OR51Q1: variants seen among roughly 807,000 people sequenced by gnomAD.
OR51Q1 encodes the protein olfactory receptor 51Q1.
For synonymous variants in OR51Q1, 187 were observed against 151.7 expected (o/e 1.23, Z -1.71); for missense variants, 501 against 397.1 (o/e 1.26, Z -2.22).
chr11:5,422,731 T>G lies in OR51Q1; in HGVS notation c.531T>G (p.Ser177=). Residue 177 remains serine, a synonymous_variant, in exon 1 of 1, where the codon TCT becomes TCG. Coordinates refer to ENST00000300778, the MANE Select transcript of OR51Q1 (RefSeq NM_001004757.2). The part of the protein sequence containing the change: ...RLPFCHSHLL[S]RSYCLHQDMI... ...CTTTCTGCCACTCCCACCTTCTCTC[T>G]CGCTCCTATTGCCTCCACCAGGATA... 6.2e-7 allele frequency: 1 copy of G among 1,614,046 alleles called. No homozygotes were observed. The highest frequency in any genetic ancestry group is 8.5e-7 in the Non-Finnish European group (1 of 1,179,968).
chr11:5,422,511 T>TC lies in OR51Q1; in HGVS notation c.312dup (p.Phe105LeufsTer19), dbSNP rs1347578682. On this transcript the variant is annotated frameshift_variant, in exon 1 of 1. Transcript: ENST00000300778. LOFTEE classifies it low-confidence loss of function (END_TRUNC). The stretch of plus-strand genomic sequence containing the variant: ...TCTGAGGCCTGTTTTGCTCAGTTTT[T>TC]CTTCCTTCATGGATTCTCCTTTATG... The TC allele has an allele frequency of 6.2e-7, 1 of 1,614,086 alleles. No homozygotes were observed. Among genetic ancestry groups the TC allele is most frequent in the African/African-American group, 1.3e-5 (1 of 74,926 alleles).
In OR51Q1 at chr11:5,423,173, T is replaced by C. The variant is rs772754463; in HGVS notation, c.*19T>C. 2.9e-5 allele frequency: 46 copies of C among 1,562,636 alleles called. No homozygotes were observed. The highest frequency in any genetic ancestry group is 4.0e-5 in the Non-Finnish European group (46 of 1,149,694). On this transcript the variant is annotated 3_prime_UTR_variant, in exon 1 of 1. Transcript: ENST00000300778. Reference sequence around the variant, plus strand: ...AAGATGAGGGAATGCATTTCTTAAATTACTGACAAGTATGAGTCATAGGCT... The same window carrying C: ...AAGATGAGGGAATGCATTTCTTAAACTACTGACAAGTATGAGTCATAGGCT...
Position 5,423,150 on chromosome 11 carries a change from G to A in OR51Q1, c.950G>A (p.Arg317Lys). 6.3e-7 allele frequency: 1 copy of A among 1,585,424 alleles called. No individual in the cohort carries two copies. Among genetic ancestry groups the A allele is most frequent in the Non-Finnish European group, 8.6e-7 (1 of 1,160,050 alleles). ...NFLSLKNMHSR is the reference protein window; with the variant it reads ...NFLSLKNMHSK ...CTTTCCCTCAAAAATATGCATTCAA[G>A]ATGAGGGAATGCATTTCTTAAATTA... The change falls in exon 1 of 1, where the codon AGA becomes AAA. Residue 317 changes from arginine to lysine, a missense_variant. Coordinates refer to ENST00000300778, the MANE Select transcript of OR51Q1 (RefSeq NM_001004757.2).
At position 5,422,217 on chromosome 11, in the gene OR51Q1, A is replaced by C. The variant is rs774832644; in HGVS notation, c.17A>C (p.Asn6Thr). 80 of 1,611,104 alleles carry C rather than the reference A, an allele frequency of 5.0e-5. No individual in the cohort carries two copies. The highest frequency in any genetic ancestry group is 5.4e-5 in the Non-Finnish European group (64 of 1,178,474). Residue 6 changes from asparagine to threonine, a missense_variant, in exon 1 of 1, where the codon AAC becomes ACC. By Grantham distance (65) the Asn-to-Thr change is moderately conservative. Coordinates refer to ENST00000300778, the MANE Select transcript of OR51Q1 (RefSeq NM_001004757.2). Reference sequence around the variant, plus strand: ...TCATCAGTCATGTCCCAGGTGACTAACACCACACAAGAAGGCATCTACTTC... The same window carrying C: ...TCATCAGTCATGTCCCAGGTGACTACCACCACACAAGAAGGCATCTACTTC... MSQVTNTTQEGIYFIL... is the reference protein window; with the variant it reads MSQVTTTTQEGIYFIL...
rs755190962 is a variant in OR51Q1 at position 5,422,935 on chromosome 11, C to G, written c.735C>G (p.Ser245=). The change falls in exon 1 of 1, where the codon TCC becomes TCG. Residue 245 remains serine (S), a synonymous_variant. Coordinates refer to ENST00000300778, the MANE Select transcript of OR51Q1 (RefSeq NM_001004757.2). ...ERLRALNNCL[S]HILAVLVLYI... ...TCCGTGCCCTCAATAACTGCCTGTC[C>G]CACATTCTAGCTGTCCTGGTCCTCT... 2 of 1,614,040 alleles carry G rather than the reference C, an allele frequency of 1.2e-6. No individual in the cohort carries two copies. The highest frequency in any genetic ancestry group is 3.3e-5 in the Admixed American group (2 of 60,024).
Position 5,422,118 on chromosome 11 carries a change from A to T in OR51Q1, c.-83A>T. On this transcript the variant is annotated 5_prime_UTR_variant, in exon 1 of 1. Transcript: ENST00000300778. Reference sequence around the variant, plus strand: ...CATTTATTTGTGTAGAATTTGGATTAAATGGGGCAAAGAGATATTATTTCT... The same window carrying T: ...CATTTATTTGTGTAGAATTTGGATTTAATGGGGCAAAGAGATATTATTTCT... 2.7e-6 allele frequency: 3 copies of T among 1,102,584 alleles called. No homozygotes were observed. Among genetic ancestry groups the T allele is most frequent in the Non-Finnish European group, 2.6e-6 (2 of 760,198 alleles). 68.3% of individuals were successfully genotyped at this position (1,102,584 alleles called of 1,614,324 possible).
chr11:5,422,236 C>G lies in OR51Q1; in HGVS notation c.36C>G (p.Ile12Met), dbSNP rs1850351302. The change falls in exon 1 of 1, where the codon ATC becomes ATG. Residue 12 changes from isoleucine (I) to methionine (M), a missense_variant. Coordinates refer to ENST00000300778, the MANE Select transcript of OR51Q1 (RefSeq NM_001004757.2). ...TGACTAACACCACACAAGAAGGCAT[C>G]TACTTCATCCTCACGGACATCCCTG... ...SQVTNTTQEG[I>M]YFILTDIPGF... is the part of the protein sequence containing the mutation. 1 of 1,613,172 alleles carries G rather than the reference C, an allele frequency of 6.2e-7. No homozygotes were observed. Among genetic ancestry groups the G allele is most frequent in the Admixed American group, 1.7e-5 (1 of 59,996 alleles).
rs757077684 is a variant in OR51Q1 at position 5,422,230 on chromosome 11, A to C, written c.30A>C (p.Glu10Asp). 51 of 1,612,718 alleles carry C rather than the reference A, an allele frequency of 3.2e-5. No homozygotes were observed. The highest frequency in any genetic ancestry group is 1.8e-4 in the Admixed American group (11 of 59,978). ...CCCAGGTGACTAACACCACACAAGA[A>C]GGCATCTACTTCATCCTCACGGACA... MSQVTNTTQEGIYFILTDIP... is the reference protein window; with the variant it reads MSQVTNTTQDGIYFILTDIP... The change falls in exon 1 of 1, where the codon GAA becomes GAC. Residue 10 changes from glutamate (E) to aspartate (D), a missense_variant. By Grantham distance (45) the Glu-to-Asp change is conservative. Coordinates refer to ENST00000300778, the MANE Select transcript of OR51Q1 (RefSeq NM_001004757.2).
rs1850369021 is a variant in OR51Q1, at chr11:5,422,750, CA to C, written c.551del (p.Gln184ArgfsTer3). The C allele has an allele frequency of 6.2e-7, 1 of 1,614,100 alleles. No homozygotes were observed. Among genetic ancestry groups the C allele is most frequent in the Non-Finnish European group, 8.5e-7 (1 of 1,179,998 alleles). On this transcript the variant is annotated frameshift_variant, in exon 1 of 1. Coordinates refer to ENST00000300778, the MANE Select transcript of OR51Q1 (RefSeq NM_001004757.2). LOFTEE classifies it low-confidence loss of function (END_TRUNC). ...TCTCTCTCGCTCCTATTGCCTCCACCAGGATATGATCCGCCTGGTCTGTGCT... is the reference window on the plus strand; with the variant it reads ...TCTCTCTCGCTCCTATTGCCTCCACCGGATATGATCCGCCTGGTCTGTGCT... ...HLLSRSYCLH[Q>X]DMIRLVCADI...
In OR51Q1 at chr11:5,423,120, A is replaced by C. The variant is rs779434623; in HGVS notation, c.920A>C (p.Asn307Thr). ...KNKQIQWGML[N>T]FLSLKNMHSR ...AAGCAGATCCAATGGGGAATGTTAA[A>C]TTTCCTTTCCCTCAAAAATATGCAT... Residue 307 changes from asparagine (N) to threonine (T), a missense_variant, in exon 1 of 1, where the codon AAT (asparagine) becomes ACT (threonine). By Grantham distance (65) the Asn-to-Thr change is moderately conservative (BLOSUM62 0). Coordinates refer to ENST00000300778, the MANE Select transcript of OR51Q1 (RefSeq NM_001004757.2). The C allele has an allele frequency of 1.2e-6, 2 of 1,603,742 alleles. No individual in the cohort carries two copies. The highest frequency in any genetic ancestry group is 2.2e-5 in the East Asian group (1 of 44,682).
Position 5,422,506 on chromosome 11 carries a change from G to C in OR51Q1, c.306G>C (p.Gln102His). 1 of 1,614,142 alleles carries C rather than the reference G, an allele frequency of 6.2e-7. No individual in the cohort carries two copies. The highest frequency in any genetic ancestry group is 8.5e-7 in the Non-Finnish European group (1 of 1,180,026). Residue 102 changes from glutamine to histidine, a missense_variant, in exon 1 of 1, where the codon CAG becomes CAC. Coordinates refer to ENST00000300778, the MANE Select transcript of OR51Q1 (RefSeq NM_001004757.2). ...TCAGCTCTGAGGCCTGTTTTGCTCA[G>C]TTTTTCTTCCTTCATGGATTCTCCT... ...RRISSEACFAQFFFLHGFSFM... is the reference protein window; with the variant it reads ...RRISSEACFAHFFFLHGFSFM...
In OR51Q1 at chr11:5,422,464, G is replaced by T; in HGVS notation, c.264G>T (p.Trp88Cys). 1 of 1,614,110 alleles carries T rather than the reference G, an allele frequency of 6.2e-7. No homozygotes were observed. The highest frequency in any genetic ancestry group is 1.6e-4 in the Middle Eastern group (1 of 6,062). ...TTLPTVMQLLWFNVRRISSEA... is the reference protein window; with the variant it reads ...TTLPTVMQLLCFNVRRISSEA... ...TACCCACAGTCATGCAGCTTCTCTG[G>T]TTCAACGTTCGTAGAATCAGCTCTG... The change falls in exon 1 of 1, where the codon TGG becomes TGT. Residue 88 changes from tryptophan to cysteine, a missense_variant. Coordinates refer to ENST00000300778, the MANE Select transcript of OR51Q1 (RefSeq NM_001004757.2).
At position 5,422,160 on chromosome 11, in the gene OR51Q1, CCT is replaced by C. The variant is rs1157726875; in HGVS notation, c.-40_-39del. 2.1e-6 allele frequency: 3 copies of C among 1,405,334 alleles called. No individual in the cohort carries two copies. The highest frequency in any genetic ancestry group is 2.1e-5 in the Admixed American group (1 of 48,304). The allele number at this position is 1,405,334 out of a possible 1,614,324, so 87.1% of individuals were successfully genotyped here. A position where few individuals can be genotyped will look rare whatever the true frequency, so the allele number is the denominator to read the frequency against. ...ATTATTTCTAATGTTTCTTTTTCTC[CCT>C]GAGTGAAGATCCTGAATCTGAAGAC... On this transcript the variant is annotated 5_prime_UTR_variant, in exon 1 of 1. An upstream open reading frame in the 5' UTR loses its in-frame stop. Coordinates refer to ENST00000300778, the MANE Select transcript of OR51Q1 (RefSeq NM_001004757.2).
rs1460934421 is a variant in OR51Q1 at position 5,422,767 on chromosome 11, G to A, written c.567G>A (p.Leu189=). The A allele has an allele frequency of 6.2e-7, 1 of 1,614,006 alleles. No homozygotes were observed. Among genetic ancestry groups the A allele is most frequent in the Non-Finnish European group, 8.5e-7 (1 of 1,180,026 alleles). ...GCCTCCACCAGGATATGATCCGCCT[G>A]GTCTGTGCTGACATCAGGCTCAACA... The part of the protein sequence containing the change: ...SYCLHQDMIR[L]VCADIRLNSW... Residue 189 remains leucine, a synonymous_variant, in exon 1 of 1, where the codon CTG becomes CTA. Coordinates refer to ENST00000300778, the MANE Select transcript of OR51Q1 (RefSeq NM_001004757.2).
Position 5,423,009 on chromosome 11 carries a change from C to T in OR51Q1, c.809C>T (p.Ala270Val). The T allele has an allele frequency of 5.6e-6, 9 of 1,614,130 alleles. No individual in the cohort carries two copies. Among genetic ancestry groups the T allele is most frequent in the Non-Finnish European group, 7.6e-6 (9 of 1,180,010 alleles). Residue 270 changes from alanine to valine, a missense_variant, in exon 1 of 1, where the codon GCC (alanine) becomes GTC (valine). Transcript: ENST00000300778. ...ATGACTCATCGCTTTGCCAAGCATGCCTCTCCACTGGTCCATGTTATCATG... is the reference window on the plus strand; with the variant it reads ...ATGACTCATCGCTTTGCCAAGCATGTCTCTCCACTGGTCCATGTTATCATG... ...VSMTHRFAKHASPLVHVIMAN... is the reference protein window; with the variant it reads ...VSMTHRFAKHVSPLVHVIMAN...
Position 5,422,447 on chromosome 11 carries a change from G to A in OR51Q1, c.247G>A (p.Val83Ile). ...TCTCACCCTCACCACCCTACCCACAGTCATGCAGCTTCTCTGGTTCAACGT... is the reference window on the plus strand; with the variant it reads ...TCTCACCCTCACCACCCTACCCACAATCATGCAGCTTCTCTGGTTCAACGT... Reference protein sequence around the residue: ...LGLTLTTLPTVMQLLWFNVRR... With the variant: ...LGLTLTTLPTIMQLLWFNVRR... The change falls in exon 1 of 1, where the codon GTC (valine) becomes ATC (isoleucine). Residue 83 changes from valine (V) to isoleucine (I), a missense_variant. Coordinates refer to ENST00000300778, the MANE Select transcript of OR51Q1 (RefSeq NM_001004757.2). 6.2e-7 allele frequency: 1 copy of A among 1,614,160 alleles called. No individual in the cohort carries two copies.
chr11:5,423,177 T>G lies in OR51Q1; in HGVS notation c.*23T>G. 6.4e-7 allele frequency: 1 copy of G among 1,554,882 alleles called. No homozygotes were observed. The highest frequency in any genetic ancestry group is 1.8e-5 in the Admixed American group (1 of 55,440). On this transcript the variant is annotated 3_prime_UTR_variant, in exon 1 of 1. Transcript: ENST00000300778. Reference sequence around the variant, plus strand: ...TGAGGGAATGCATTTCTTAAATTACTGACAAGTATGAGTCATAGGCTTAAG... The same window carrying G: ...TGAGGGAATGCATTTCTTAAATTACGGACAAGTATGAGTCATAGGCTTAAG...
In OR51Q1 at chr11:5,422,640, G is replaced by A; in HGVS notation, c.440G>A (p.Gly147Glu). The A allele has an allele frequency of 9.3e-6, 15 of 1,613,988 alleles. No individual in the cohort carries two copies. Among genetic ancestry groups the A allele is most frequent in the Non-Finnish European group, 1.3e-5 (15 of 1,179,990 alleles). The change falls in exon 1 of 1, where the codon GGG (glycine) becomes GAG (glutamate). Residue 147 changes from glycine (G) to glutamate (E), a missense_variant. Transcript: ENST00000300778. ...ACCAATGAAGTCATTGGTAGAACTG[G>A]GTTAGCCATCATTTGCTGCTGTGTT... ...ILTNEVIGRT[G>E]LAIICCCVLA...
chr11:5,422,706 C>T lies in OR51Q1; in HGVS notation c.506C>T (p.Pro169Leu), dbSNP rs754720163. The T allele has an allele frequency of 5.0e-6, 8 of 1,614,052 alleles. No individual in the cohort carries two copies. The highest frequency in any genetic ancestry group is 6.8e-6 in the Non-Finnish European group (8 of 1,179,976). The change falls in exon 1 of 1, where the codon CCT becomes CTT. Residue 169 changes from proline (P) to leucine (L), a missense_variant. By Grantham distance (98) the Pro-to-Leu change is moderately conservative. Transcript: ENST00000300778. ...LPSLFLLKRL[P>L]FCHSHLLSRS... ...TCCCTTTTCTTACTCAAGCGACTGC[C>T]TTTCTGCCACTCCCACCTTCTCTCT...
Sources: gnomAD v4.1 joint callset for allele counts on GRCh38, gnomAD v4.1.1 for gene constraint, MANE v1.5 for transcripts, NCBI Gene and HGNC (gene_info 2026-07-23, HGNC 2026-07-21) for gene names.